TBL1X: variants seen among roughly 807,000 people sequenced by gnomAD.
TBL1X encodes F-box-like/WD repeat-containing protein TBL1X.
In TBL1X, 10 loss-of-function variants were observed where a neutral mutation model predicts 50.7. The ratio of observed to expected loss-of-function variants is 0.20; its 90% CI spans 0.12 to 0.33. TBL1X has a LOEUF of 0.33. Ranked by LOEUF, TBL1X falls within the 10% of genes least tolerant of loss-of-function variation. The probability of loss-of-function intolerance (pLI) is 1.00; values close to 1 mark genes in which losing one functional copy is unlikely to be tolerated. For missense variants in TBL1X, 340 were observed against 504.4 expected (o/e 0.67, Z 3.12); for synonymous variants, 190 against 214.7 (o/e 0.88, Z 1.01).
At chrX:9,542,305 C>T (rs1037631617) in intron 2 of TBL1X, among the ~76,000 whole-genome samples, 16 of 111,626 alleles carry the variant, frequency 1.4e-4, no homozygotes, top group Non-Finnish European at 2.1e-4. Flanking sequence ...TGGCCCCACT[C>T]ACCCTGTCCT....
chrX:9,698,218 C>T (rs1272029772), intron 12 of TBL1X, among the ~76,000 whole-genome samples: 1 of 111,231 alleles, frequency 9.0e-6, no homozygotes, highest in Non-Finnish European at 1.9e-5. Context: ...CCCACCTGCT[C>T]AGAGCTCTGA....
At chrX:9,627,036 A>G (rs908290342) in intron 2 of TBL1X, among the ~76,000 whole-genome samples, 4 of 112,542 alleles carry the variant, frequency 3.6e-5, no homozygotes, top group African/African-American at 6.5e-5. Context: ...TATTGTTGCT[A>G]GTTGTTTTGC....
intron 2 of TBL1X, among the ~76,000 whole-genome samples, chrX:9,593,339 T>TTGCA (rs2082511313): frequency 9.2e-6 from 1 of 109,275 alleles, no homozygotes; most frequent in Non-Finnish European, 1.9e-5. Flanking sequence ...GAGGCAGAGG[T>TTGCA]TGCAGTGAGC....
At chrX:9,514,644 G>T (rs2082072813) in intron 2 of TBL1X, among the ~76,000 whole-genome samples, 1 of 112,367 alleles carries the variant, frequency 8.9e-6, no homozygotes, top group Non-Finnish European at 1.9e-5. Context: ...TCAGATCCCA[G>T]TACTGTGTCC....
chrX:9,466,601 T>C (rs992208171), intron 1 of TBL1X, among the ~76,000 whole-genome samples: 2 of 112,268 alleles, frequency 1.8e-5, no homozygotes, highest in Non-Finnish European at 3.8e-5. Flanking sequence ...GATGTTTTCC[T>C]CTCCTGAAAC....
intron 12 of TBL1X, among the ~76,000 whole-genome samples, chrX:9,698,788 G>T (rs2083149984): frequency 8.9e-6 from 1 of 112,113 alleles, no homozygotes; most frequent in African/African-American, 3.2e-5. Flanking sequence ...GCAAGCCTCT[G>T]TAGGGAGATC....
chrX:9,694,040 AG>A (rs199650338), intron 11 of TBL1X, among the ~76,000 whole-genome samples: 1,528 of 111,001 alleles, frequency 0.014, 25 homozygotes, highest in African/African-American at 0.048. Flanking sequence ...AAGGGGACGC[AG>A]ACTCCATCCT....
At chrX:9,503,484 A>G (rs1268562129) in intron 2 of TBL1X, among the ~76,000 whole-genome samples, 1 of 90,140 alleles carries the variant, frequency 1.1e-5, no homozygotes, top group Non-Finnish European at 2.4e-5. Flanking sequence ...TCCTGCAGGG[A>G]GGGGCAGCAG....
intron 1 of TBL1X, among the ~76,000 whole-genome samples, chrX:9,499,979 CAAA>C (rs34239377): frequency 1.1e-5 from 1 of 91,762 alleles, no homozygotes; most frequent in Admixed American, 1.2e-4. Context: ...ATCCTGTCTC[CAAA>C]AAAAAAAAAG....
intron 2 of TBL1X, among the ~76,000 whole-genome samples, chrX:9,623,784 C>T (rs2082679022): frequency 8.9e-6 from 1 of 112,332 alleles, no homozygotes; most frequent in Admixed American, 9.4e-5. Context: ...TGCCCAACTC[C>T]GTGGGCTTTT....
At position 9,471,767 on chromosome X, in the gene TBL1X, G is replaced by C. The variant is rs190031081; in HGVS notation, c.-201+6320G>C. On this transcript the variant is annotated intron_variant, in intron 1 of 17. Transcript: ENST00000645353. ...AACTCACAGTGTTTATTCTTGACCTGGGTGTCTGCCTTGAATTCTTGTCAT... is the reference window on the plus strand; with the variant it reads ...AACTCACAGTGTTTATTCTTGACCTCGGTGTCTGCCTTGAATTCTTGTCAT... 2.7e-5 allele frequency among the ~76,000 whole-genome samples: 3 copies of C among 111,575 alleles called. No homozygotes were observed. In the East Asian group the frequency reaches 8.5e-4, roughly 32 times the overall value.
intron 5 of TBL1X, among the ~76,000 whole-genome samples, chrX:9,663,037 G>T (rs367730482): frequency 9.0e-6 from 1 of 111,367 alleles, no homozygotes; most frequent in African/African-American, 3.3e-5. Flanking sequence ...GGGAGGTCAT[G>T]GTATTATAGG....
At chrX:9,585,120 A>T (rs1040590912) in intron 2 of TBL1X, among the ~76,000 whole-genome samples, 1 of 111,782 alleles carries the variant, frequency 8.9e-6, no homozygotes, top group Non-Finnish European at 1.9e-5. Context: ...TGCCTTTGTG[A>T]AAAGCAATTA....
chrX:9,623,729 A>C, intron 2 of TBL1X, among the ~76,000 whole-genome samples: 1 of 112,112 alleles, frequency 8.9e-6, no homozygotes, highest in South Asian at 3.7e-4. Flanking sequence ...CCTGGTTAAA[A>C]TGATAAGGAG....
At chrX:9,590,744 G>C (rs936388193) in intron 2 of TBL1X, among the ~76,000 whole-genome samples, 1 of 111,430 alleles carries the variant, frequency 9.0e-6, no homozygotes, top group African/African-American at 3.3e-5. Flanking sequence ...TTATTGCTTT[G>C]ATTTTTCATG....
intron 2 of TBL1X, among the ~76,000 whole-genome samples, chrX:9,584,225 A>G (rs762525748): frequency 1.8e-5 from 2 of 112,402 alleles, no homozygotes; most frequent in East Asian, 5.5e-4. Flanking sequence ...GCTCATGGAC[A>G]TAGTGTAAAT....
chrX:9,680,331 TC>T, intron 5 of TBL1X, among the ~76,000 whole-genome samples: 1 of 112,416 alleles, frequency 8.9e-6, no homozygotes, highest in African/African-American at 3.2e-5. Context: ...TCCTTATTGT[TC>T]CAACAAGGAA....
intron 7 of TBL1X, among the ~76,000 whole-genome samples, chrX:9,689,963 C>G (rs2083087043): frequency 8.9e-6 from 1 of 112,475 alleles, no homozygotes; most frequent in Non-Finnish European, 1.9e-5. Context: ...AAACAGCACT[C>G]CTACTCAGTG....
At chrX:9,593,417 T>A (rs1002107807) in intron 2 of TBL1X, among the ~76,000 whole-genome samples, 6 of 109,245 alleles carry the variant, frequency 5.5e-5, no homozygotes, top group African/African-American at 2.0e-4. Flanking sequence ...ATAATAATAA[T>A]AATAATAATA....
Sources: gnomAD v4.1 joint callset for allele counts (sites outside exome capture counted in the v4.1 genomes callset) on GRCh38, gnomAD v4.1.1 for gene constraint, MANE v1.5 for transcripts, NCBI Gene and HGNC (gene_info 2026-07-23, HGNC 2026-07-21) for gene names.